ADAM32: variants seen among roughly 807,000 people sequenced by gnomAD.
ADAM32 encodes the protein disintegrin and metalloproteinase domain-containing protein 32.
ADAM32 carries 89 observed loss-of-function variants against 114.9 expected under a neutral mutation model. The ratio of observed to expected loss-of-function variants is 0.77; its 90% confidence interval spans 0.65 to 0.92. The LOEUF (loss-of-function observed/expected upper bound fraction) is 0.92, where lower values mean the gene tolerates loss of function less well. Among genes scored for constraint, ADAM32 ranks in the 40% least tolerant of loss-of-function variants. The pLI, the probability that ADAM32 is intolerant of heterozygous loss-of-function variation, is 0.00. For missense variants in ADAM32, 870 were observed against 932.8 expected (o/e 0.93, Z 0.88); for synonymous variants, 285 against 307.5 (o/e 0.93, Z 0.77).
At chr8:39,191,770 C>T (rs1788041896) in intron 11 of ADAM32, among the ~76,000 whole-genome samples, 1 of 152,038 alleles carries the variant, frequency 6.6e-6, no homozygotes, top group African/African-American at 2.4e-5. Flanking sequence ...TCTCATTTGT[C>T]AGTTTTTGTT....
At chr8:39,215,389 T>C (rs1808490466) in intron 12 of ADAM32, among the ~76,000 whole-genome samples, 1 of 151,998 alleles carries the variant, frequency 6.6e-6, no homozygotes, top group African/African-American at 2.4e-5. Flanking sequence ...GATCTTTCAC[T>C]TATTTGATTA....
intron 24 of ADAM32, 144 bp downstream of exon 24, chr8:39,283,768 A>ATTT: frequency 8.5e-6 from 3 of 350,970 alleles, no homozygotes; most frequent in Admixed American, 5.8e-5. Flanking sequence ...TCTTTCTTTT[A>ATTT]TTCTTTTTTT....
intron 11 of ADAM32, among the ~76,000 whole-genome samples, chr8:39,210,449 C>T (rs1296815160): frequency 6.6e-6 from 1 of 152,176 alleles, no homozygotes; most frequent in Non-Finnish European, 1.5e-5. Context: ...TTGTTCACTT[C>T]AGTGTCCCTA....
intron 16 of ADAM32, among the ~76,000 whole-genome samples, chr8:39,236,461 C>A (rs1408899569): frequency 6.6e-6 from 1 of 151,856 alleles, no homozygotes; most frequent in Admixed American, 6.6e-5. Flanking sequence ...CACTTTTCTG[C>A]CCTGAATCAT....
chr8:39,241,237 G>T (rs945089927), intron 16 of ADAM32, among the ~76,000 whole-genome samples: 2 of 152,228 alleles, frequency 1.3e-5, no homozygotes, highest in Admixed American at 6.5e-5. Flanking sequence ...ACTTTGCAGG[G>T]TATAGCCTCC....
intron 1 of ADAM32, among the ~76,000 whole-genome samples, chr8:39,110,299 G>C (rs1840106219): frequency 6.6e-6 from 1 of 152,116 alleles, no homozygotes; most frequent in African/African-American, 2.4e-5. Flanking sequence ...TCGAACTCCT[G>C]ACTTCAAGTG....
At chr8:39,217,430 T>C (rs1808655273) in intron 12 of ADAM32, among the ~76,000 whole-genome samples, 1 of 152,168 alleles carries the variant, frequency 6.6e-6, no homozygotes, top group South Asian at 2.1e-4. Flanking sequence ...TATGTTATTA[T>C]ATTTTTGAAA....
intron 16 of ADAM32, among the ~76,000 whole-genome samples, chr8:39,237,121 C>T (rs775360710): frequency 6.6e-6 from 1 of 152,168 alleles, no homozygotes; most frequent in Non-Finnish European, 1.5e-5. Flanking sequence ...AATAATTTAA[C>T]CTTACCTAGA....
In ADAM32 at chr8:39,187,003, G is replaced by A. The variant is rs765979175; in HGVS notation, c.1010G>A (p.Cys337Tyr). 8.7e-6 allele frequency: 14 copies of A among 1,612,954 alleles called. No individual in the cohort carries two copies. The Admixed American group carries it at 2.0e-4, about 23-fold the overall frequency. The change falls in exon 11 of 25, where the codon TGT becomes TAT. Residue 337 changes from cysteine (C) to tyrosine (Y), a missense_variant. Transcript: ENST00000379907. ...ATATCATATGACGACCCAAAGAAAT[G>A]TCAATGTTCAGAATCCACCTGTATA... ...LGISYDDPKK[C>Y]QCSESTCIMN...
intron 17 of ADAM32, among the ~76,000 whole-genome samples, chr8:39,246,589 A>C (rs1463185153): frequency 6.6e-6 from 1 of 152,220 alleles, no homozygotes; most frequent in Non-Finnish European, 1.5e-5. Flanking sequence ...GAAAGTAGAA[A>C]GTACAGAGAT....
At chr8:39,157,684 C>T (rs1804225660) in intron 6 of ADAM32, 2 of 829,204 alleles carry the variant, frequency 2.4e-6, no homozygotes, top group African/African-American at 1.7e-5. Context: ...GCTGCTTGGT[C>T]TGCATCAAGA....
intron 19 of ADAM32, among the ~76,000 whole-genome samples, chr8:39,263,663 A>G (rs1812182052): frequency 6.6e-6 from 1 of 152,216 alleles, no homozygotes; most frequent in South Asian, 2.1e-4. Context: ...CACTAGCTCA[A>G]TAAAATGTAG....
At chr8:39,195,423 A>C (rs2129447558) in intron 11 of ADAM32, among the ~76,000 whole-genome samples, 2 of 152,200 alleles carry the variant, frequency 1.3e-5, no homozygotes, top group Middle Eastern at 6.8e-3. Flanking sequence ...GCTGTACGTA[A>C]GTTTTTTAGT....
chr8:39,277,688 C>A (rs764168311), intron 22 of ADAM32, among the ~76,000 whole-genome samples: 1 of 152,228 alleles, frequency 6.6e-6, no homozygotes, highest in Non-Finnish European at 1.5e-5. Flanking sequence ...GGACCCACTG[C>A]GCTCCACCAC....
At chr8:39,126,011 G>T (rs112554348) in intron 2 of ADAM32, among the ~76,000 whole-genome samples, 8 of 152,030 alleles carry the variant, frequency 5.3e-5, no homozygotes, top group Admixed American at 2.0e-4. Flanking sequence ...ATTCTGTTCC[G>T]TTGGTCAATG....
In ADAM32 at chr8:39,228,457, T is replaced by C. The variant is rs191712449; in HGVS notation, c.1526-3570T>C. ...GATACAAGAAGTGAAGGGAGAATTA[T>C]TCAAGGAAATAGGTAGCTTAAAGAA... On this transcript the variant is annotated intron_variant, in intron 14 of 24. Transcript: ENST00000379907. Among the ~76,000 whole-genome samples the C allele has an allele frequency of 1.9e-3, 292 of 152,270 alleles. 1 individual carries two copies. The highest frequency in any genetic ancestry group is 6.9e-3 in the African/African-American group (285 of 41,548).
chr8:39,134,101 T>A (rs1802631401), intron 2 of ADAM32, among the ~76,000 whole-genome samples: 1 of 152,148 alleles, frequency 6.6e-6, no homozygotes, highest in African/African-American at 2.4e-5. Context: ...TTGTTCCAGC[T>A]GGCGTTGCGC....
intron 11 of ADAM32, among the ~76,000 whole-genome samples, chr8:39,200,567 G>A (rs1807330836): frequency 6.6e-6 from 1 of 152,278 alleles, no homozygotes; most frequent in Middle Eastern, 3.4e-3. Context: ...CTCCCATTCT[G>A]TAGGTTGCCT....
chr8:39,214,421 C>T (rs1808426704), intron 12 of ADAM32, among the ~76,000 whole-genome samples: 1 of 152,122 alleles, frequency 6.6e-6, no homozygotes. Context: ...TTTTGATTTG[C>T]AATTCTCTGT....
Sources: allele counts gnomAD v4.1 joint callset (sites outside exome capture counted in the v4.1 genomes callset), GRCh38; gene constraint gnomAD v4.1.1; transcripts MANE v1.5; gene names NCBI Gene and HGNC (gene_info 2026-07-23, HGNC 2026-07-21).